The following CLYBL variants were observed in gnomAD, a reference collection of about 807,000 sequenced individuals.
CLYBL encodes the protein citramalyl-CoA lyase.
In CLYBL, 31 loss-of-function variants were observed where a neutral mutation model predicts 38.9. The ratio of observed to expected loss-of-function variants is 0.80; its 90% CI spans 0.60 to 1.08. The LOEUF (loss-of-function observed/expected upper bound fraction) is 1.08. Ranked by LOEUF, CLYBL falls within the 50% of genes least tolerant of loss-of-function variation. CLYBL has a pLI of 0.00. For missense variants in CLYBL, 434 were observed against 411.6 expected, an observed-to-expected ratio of 1.05 and a Z score of -0.47; for synonymous variants, 171 against 158.6, an observed-to-expected ratio of 1.08 and a Z score of -0.59.
chr13:99,654,997 C>T (rs1012355042), intron 1 of CLYBL, among the ~76,000 whole-genome samples: 8 of 151,910 alleles, frequency 5.3e-5, no homozygotes, highest in Non-Finnish European at 1.5e-5. Flanking sequence ...AGTGGCTGAT[C>T]TATCAGAAGA....
chr13:99,882,262 T>G (rs1594243887), intron 7 of CLYBL, among the ~76,000 whole-genome samples: 2 of 152,204 alleles, frequency 1.3e-5, no homozygotes, highest in Non-Finnish European at 2.9e-5. Flanking sequence ...CTCGTCCTCT[T>G]AAGTTCCTTT....
chr13:99,782,754 T>C (rs2049686113), intron 2 of CLYBL, among the ~76,000 whole-genome samples: 1 of 152,204 alleles, frequency 6.6e-6, no homozygotes, highest in Non-Finnish European at 1.5e-5. Flanking sequence ...TTGTGTTTCC[T>C]ATATTTGTAG....
At position 99,863,092 on chromosome 13, in the gene CLYBL, G is replaced by A. The variant is rs368829901; in HGVS notation, c.540G>A (p.Lys180=). The A allele has an allele frequency of 1.7e-4, 269 of 1,551,394 alleles. No individual in the cohort carries two copies. Among genetic ancestry groups the A allele is most frequent in the Non-Finnish European group, 2.3e-4 (257 of 1,129,100 alleles). Residue 180 remains lysine, a splice_region_variant and synonymous_variant, in exon 4 of 9, where the codon AAG becomes AAA. Transcript: ENST00000339105. ...CTGCAATGGGTTTGCTCAATTTTAAGGTAAGGAAGCCATAATACGGTTAAT... is the reference window on the plus strand; with the variant it reads ...CTGCAATGGGTTTGCTCAATTTTAAAGTAAGGAAGCCATAATACGGTTAAT... ...VETAMGLLNF[K]AVCEETLKVG... is the part of the protein sequence containing the mutation.
intron 7 of CLYBL, among the ~76,000 whole-genome samples, chr13:99,874,302 T>C (rs1045446876): frequency 2.0e-5 from 3 of 152,332 alleles, no homozygotes; most frequent in Non-Finnish European, 4.4e-5. Context: ...GAAAAATGTT[T>C]TTTGAGATAC....
At chr13:99,636,325 G>A (rs554779352) in intron 1 of CLYBL, among the ~76,000 whole-genome samples, 14 of 152,316 alleles carry the variant, frequency 9.2e-5, no homozygotes, top group Admixed American at 3.9e-4. Flanking sequence ...TGTTTACCAA[G>A]GTCTTAAAGT....
chr13:99,616,038 G>T (rs1187310699), intron 1 of CLYBL, among the ~76,000 whole-genome samples: 2 of 151,722 alleles, frequency 1.3e-5, no homozygotes, highest in Non-Finnish European at 2.9e-5. Context: ...GTAGAGATGG[G>T]GTTTCACCAT....
In CLYBL at chr13:99,713,160, ATC is replaced by A. The variant is rs1276334963; in HGVS notation, c.63-59660_63-59659del. On this transcript the variant is annotated intron_variant, in intron 1 of 8. Coordinates refer to ENST00000339105, the MANE Select transcript of CLYBL (RefSeq NM_206808.5). ...CTGTAAATTTTTTTCTCTCTTGAAA[ATC>A]TCTTTCTTGAAGATCTCTCTTGAAG... 4.0e-5 allele frequency among the ~76,000 whole-genome samples: 6 copies of A among 151,550 alleles called. No homozygotes were observed. In the East Asian group the frequency reaches 1.2e-3, roughly 29 times the overall value.
chr13:99,625,538 C>G (rs73562266), intron 1 of CLYBL, among the ~76,000 whole-genome samples: 2 of 152,218 alleles, frequency 1.3e-5, no homozygotes, highest in African/African-American at 4.8e-5. Flanking sequence ...ACTTCACAAC[C>G]ATATGGTTTA....
intron 2 of CLYBL, among the ~76,000 whole-genome samples, chr13:99,814,581 A>G (rs1311738394): frequency 6.6e-6 from 1 of 151,862 alleles, no homozygotes; most frequent in Non-Finnish European, 1.5e-5. Context: ...TTAAAAAACT[A>G]GCCAGGCATA....
intron 1 of CLYBL, among the ~76,000 whole-genome samples, chr13:99,676,010 A>G (rs1249811466): frequency 6.6e-6 from 1 of 152,044 alleles, no homozygotes; most frequent in African/African-American, 2.4e-5. Flanking sequence ...CTGTGCCTCC[A>G]CGCCTGGCTA....
chr13:99,860,308 C>A (rs1190107657), intron 3 of CLYBL, among the ~76,000 whole-genome samples: 1 of 151,844 alleles, frequency 6.6e-6, no homozygotes, highest in African/African-American at 2.4e-5. Context: ...TTCAGTTTAC[C>A]CTCAATGTAG....
downstream of CLYBL, chr13:99,894,738 G>A (rs1170126845): frequency 3.4e-5 from 2 of 58,228 alleles, no homozygotes; most frequent in African/African-American, 1.3e-4. Flanking sequence ...GCCTGAGGCG[G>A]GGGGGGGGGG....
chr13:99,774,382 A>G (rs1205894551), intron 2 of CLYBL, among the ~76,000 whole-genome samples: 2 of 152,242 alleles, frequency 1.3e-5, no homozygotes, highest in African/African-American at 4.8e-5. Flanking sequence ...TTCAATGATT[A>G]GTTGAGATAT....
intron 4 of CLYBL, 38 bp from the exon 5 acceptor site, chr13:99,864,780 G>C: frequency 1.4e-6 from 2 of 1,437,522 alleles, no homozygotes; most frequent in Non-Finnish European, 2.0e-6. Context: ...TGACGCACGC[G>C]TTTCCGTGAG....
chr13:99,720,634 G>A (rs1205339007), intron 1 of CLYBL, among the ~76,000 whole-genome samples: 1 of 152,080 alleles, frequency 6.6e-6, no homozygotes, highest in African/African-American at 2.4e-5. Context: ...TTGCTTAGTT[G>A]CGTTCAAGGC....
chr13:99,731,004 G>C (rs2806278), intron 1 of CLYBL, among the ~76,000 whole-genome samples: 1 of 149,412 alleles, frequency 6.7e-6, no homozygotes, highest in African/African-American at 2.5e-5. Flanking sequence ...AATCACTTGA[G>C]CCCCGGGGGC....
chr13:99,721,568 G>C (rs2048393252), intron 1 of CLYBL, among the ~76,000 whole-genome samples: 1 of 151,536 alleles, frequency 6.6e-6, no homozygotes, highest in African/African-American at 2.4e-5. Context: ...ATGTTGGTGT[G>C]CTGCACCCAT....
intron 2 of CLYBL, among the ~76,000 whole-genome samples, chr13:99,816,745 A>G (rs2050456612): frequency 6.6e-6 from 1 of 152,184 alleles, no homozygotes; most frequent in Non-Finnish European, 1.5e-5. Context: ...CAGTGCCTTG[A>G]TCTTGGACTT....
At chr13:99,796,392 G>T (rs7989523) in intron 2 of CLYBL, among the ~76,000 whole-genome samples, 1 of 152,078 alleles carries the variant, frequency 6.6e-6, no homozygotes, top group African/African-American at 2.4e-5. Flanking sequence ...GGGCCAGGCT[G>T]TGGAGCTGAC....
Sources: gnomAD v4.1 joint callset for allele counts (sites outside exome capture counted in the v4.1 genomes callset) on GRCh38, gnomAD v4.1.1 for gene constraint, MANE v1.5 for transcripts, NCBI Gene and HGNC (gene_info 2026-07-23, HGNC 2026-07-21) for gene names.